Variants in SETD4 observed in about 807,000 individuals in gnomAD.
SETD4 encodes the protein SET domain containing 4.
SETD4 carries 46 observed loss-of-function variants against 58.3 expected under a neutral mutation model. That is an observed-to-expected ratio of 0.79 (90% CI 0.62 to 1.01). The LOEUF is 1.01. Among genes scored for constraint, SETD4 ranks in the 50% least tolerant of loss-of-function variants. SETD4 has a pLI of 0.00. For synonymous variants in SETD4, 190 were observed against 202.6 expected (o/e 0.94, Z 0.53); for missense variants, 490 against 523.3 (o/e 0.94, Z 0.62).
intron 10 of SETD4, among the ~76,000 whole-genome samples, chr21:36,037,864 C>T (rs1264464242): frequency 1.3e-5 from 2 of 151,522 alleles, no homozygotes; most frequent in Non-Finnish European, 2.9e-5. Context: ...GGCATGGTGG[C>T]GGGTGCCTGT....
chr21:36,059,905 C>T (rs1476701012), intron 1 of SETD4: 2 of 985,310 alleles, frequency 2.0e-6, no homozygotes, highest in East Asian at 2.3e-4. Context: ...ACAGACCGCG[C>T]CGGGAAGTGT....
intron 4 of SETD4, chr21:36,050,429 A>C: frequency 1.2e-6 from 2 of 1,614,124 alleles, no homozygotes; most frequent in Non-Finnish European, 1.7e-6. Context: ...CTGCCTACCC[A>C]CAAGTGGTGG....
At chr21:36,039,992 C>T (rs2123533167) in intron 9 of SETD4, among the ~76,000 whole-genome samples, 1 of 152,338 alleles carries the variant, frequency 6.6e-6, no homozygotes, top group African/African-American at 2.4e-5. Flanking sequence ...GCTCTCCCTG[C>T]CAGGGACTCA....
chr21:36,059,707 T>A (rs2065190356), intron 1 of SETD4: 2 of 965,444 alleles, frequency 2.1e-6, no homozygotes, highest in Non-Finnish European at 1.2e-6. Flanking sequence ...ATTAAAAAAA[T>A]AAAAATAAAA....
chr21:36,040,704 T>C (rs1049948856), intron 8 of SETD4, 49 bp from the exon 9 acceptor site: 8 of 1,522,164 alleles, frequency 5.3e-6, no homozygotes, highest in Admixed American at 1.7e-5. Context: ...CAGTATTTCA[T>C]GACCTCATAG....
chr21:36,048,375 A>G lies in SETD4; in HGVS notation c.229T>C (p.Leu77=), dbSNP rs1282324930. The G allele has an allele frequency of 6.2e-7, 1 of 1,614,134 alleles. No homozygotes were observed. The highest frequency in any genetic ancestry group is 2.2e-5 in the East Asian group (1 of 44,866). Residue 77 remains leucine, a synonymous_variant, in exon 5 of 12, where the codon TTG becomes CTG. Transcript: ENST00000332131. ...GTGGTGAGCAGGCAACTCTCAGGCA[A>G]CGAAATAATCATCTGTCCCTCCTGG... ...SLQEGQMIIS[L]PESCLLTTDT...
At chr21:36,056,699 C>T (rs763172977) in intron 3 of SETD4, among the ~76,000 whole-genome samples, 1 of 152,100 alleles carries the variant, frequency 6.6e-6, no homozygotes, top group Non-Finnish European at 1.5e-5. Context: ...GCTGGGACTA[C>T]AGGGCACACC....
chr21:36,035,733 C>A lies in SETD4; in HGVS notation c.*260G>T, dbSNP rs2063756314. ...AGAAGCAGGCCCCGTGGTGACAGACCACACACGGACGCAGCTGGCTCCTGG... is the reference window on the plus strand; with the variant it reads ...AGAAGCAGGCCCCGTGGTGACAGACAACACACGGACGCAGCTGGCTCCTGG... On this transcript the variant is annotated 3_prime_UTR_variant, in exon 12 of 12. Transcript: ENST00000332131. 2 of 265,392 alleles carry A rather than the reference C, an allele frequency of 7.5e-6. No individual in the cohort carries two copies. Among genetic ancestry groups the A allele is most frequent in the African/African-American group, 4.6e-5 (2 of 43,012 alleles). 16.4% of individuals were successfully genotyped at this position (265,392 alleles called of 1,614,324 possible).
At chr21:36,043,463 C>T in intron 7 of SETD4, 1 of 1,070,998 alleles carries the variant, frequency 9.3e-7, no homozygotes, top group Non-Finnish European at 1.1e-6. Context: ...TTCTTTAGTG[C>T]CAGTGACAAC....
In SETD4 at chr21:36,036,240, C is replaced by G; in HGVS notation, c.1200G>C (p.Met400Ile). 6.3e-7 allele frequency: 1 copy of G among 1,593,808 alleles called. No homozygotes were observed. The highest frequency in any genetic ancestry group is 8.5e-7 in the Non-Finnish European group (1 of 1,174,192). ...TNAVLQKVSH[M>I]KDEKEALINQ... is the part of the protein sequence containing the mutation. ...TTATCAGGGCCTCTTTTTCATCCTT[C>G]ATATGAGACACCTGAAAGTTATTTT... Residue 400 changes from methionine to isoleucine, a missense_variant, in exon 11 of 12, where the codon ATG becomes ATC. Coordinates refer to ENST00000332131, the MANE Select transcript of SETD4 (RefSeq NM_017438.5).
At chr21:36,045,531 CG>C (rs1334477695) in intron 6 of SETD4, 50 bp downstream of exon 6, 4 of 1,576,820 alleles carry the variant, frequency 2.5e-6, no homozygotes, top group Non-Finnish European at 3.5e-6. Context: ...TTCTGGGCAG[CG>C]GAAGCCTTCC....
chr21:36,051,105 G>A, intron 4 of SETD4: 1 of 1,411,938 alleles, frequency 7.1e-7, no homozygotes, highest in Non-Finnish European at 1.0e-6. Context: ...AGATGTAGCT[G>A]GTATCAGAGC....
rs145237251 is a variant in SETD4, at chr21:36,040,594, A to G, written c.1045T>C (p.Cys349Arg). 6.2e-7 allele frequency: 1 copy of G among 1,613,790 alleles called. No homozygotes were observed. Among genetic ancestry groups the G allele is most frequent in the South Asian group, 1.1e-5 (1 of 91,088 alleles). The change falls in exon 9 of 12, where the codon TGT becomes CGT. Residue 349 changes from cysteine (C) to arginine (R), a missense_variant. Physicochemically the swap from Cys to Arg is radical, Grantham distance 180. Transcript: ENST00000332131. ...ACTTACAATTTCTCAGCTTCCAGAC[A>G]TAACAACTTAAGGGCTGTGAGTAGC... ...WRLLTALKLL[C>R]LEAEKFTCWK...
chr21:36,052,748 T>A (rs954398215), intron 4 of SETD4, among the ~76,000 whole-genome samples: 3 of 152,202 alleles, frequency 2.0e-5, no homozygotes, highest in African/African-American at 7.2e-5. Flanking sequence ...TAAAATAGCA[T>A]TGGAAGAATG....
intron 9 of SETD4, among the ~76,000 whole-genome samples, chr21:36,039,568 AAAGAC>A (rs1240637347): frequency 1.3e-5 from 2 of 152,244 alleles, no homozygotes; most frequent in South Asian, 2.1e-4. Flanking sequence ...CAAAAGGAGA[AAAGAC>A]AAGACACTGC....
At chr21:36,050,425 A>G (rs1185774022) in intron 4 of SETD4, 24 of 1,614,142 alleles carry the variant, frequency 1.5e-5, no homozygotes, top group Non-Finnish European at 2.0e-5. Flanking sequence ...ATCACTGCCT[A>G]CCCACAAGTG....
intron 3 of SETD4, 31 bp from the exon 4 acceptor site, chr21:36,053,651 T>A (rs778223967): frequency 2.5e-5 from 41 of 1,610,280 alleles, no homozygotes; most frequent in Non-Finnish European, 3.4e-5. Context: ...AGAGAGTAAA[T>A]CCTACCATAA....
intron 10 of SETD4, among the ~76,000 whole-genome samples, chr21:36,037,870 C>G (rs1012292235): frequency 6.6e-6 from 1 of 151,840 alleles, no homozygotes; most frequent in Admixed American, 6.6e-5. Flanking sequence ...GTGGCGGGTG[C>G]CTGTAATCCC....
intron 6 of SETD4, among the ~76,000 whole-genome samples, chr21:36,045,154 C>T (rs1316122425): frequency 6.6e-6 from 1 of 152,140 alleles, no homozygotes; most frequent in African/African-American, 2.4e-5. Context: ...TTTCAGAGCT[C>T]AGTGGGAAAA....
Sources: gnomAD v4.1 joint callset for allele counts (sites outside exome capture counted in the v4.1 genomes callset) on GRCh38, gnomAD v4.1.1 for gene constraint, MANE v1.5 for transcripts, NCBI Gene and HGNC (gene_info 2026-07-23, HGNC 2026-07-21) for gene names.